Variants in CADPS2 observed in about 807,000 individuals in gnomAD.
The protein encoded by CADPS2 is calcium dependent secretion activator 2.
CADPS2 carries 93 observed loss-of-function variants against 172.5 expected under a neutral mutation model. That is an observed-to-expected ratio of 0.54 (90% CI 0.46 to 0.64). The LOEUF (loss-of-function observed/expected upper bound fraction) is 0.64, where lower values mean the gene tolerates loss of function less well. CADPS2 is among the 30% of genes least tolerant of loss of function. The probability of loss-of-function intolerance (pLI) is 0.00; values close to 1 mark genes in which losing one functional copy is unlikely to be tolerated. For missense variants in CADPS2, 1,420 were observed against 1,565.9 expected (o/e 0.91, Z 1.57); for synonymous variants, 546 against 555.2 (o/e 0.98, Z 0.23).
intron 6 of CADPS2, among the ~76,000 whole-genome samples, chr7:122,583,664 A>ATATT (rs2069172891): frequency 6.6e-6 from 1 of 151,092 alleles, no homozygotes; most frequent in Non-Finnish European, 1.5e-5. Context: ...TATGAAGGAG[A>ATATT]TATTGTACGT....
rs1805488424 is a variant in CADPS2, at chr7:122,828,138, C to A, written c.339+57861G>T. Among the ~76,000 whole-genome samples the A allele has an allele frequency of 1.3e-5, 2 of 151,882 alleles. 1 individual carries two copies. Among genetic ancestry groups the A allele is most frequent in the South Asian group, 4.2e-4 (2 of 4,792 alleles). On this transcript the variant is annotated intron_variant, in intron 1 of 29. Coordinates refer to ENST00000449022, the MANE Select transcript of CADPS2 (RefSeq NM_017954.11). ...CATCATGTCTCTGTGGTAGGTTTAC[C>A]CTGTCATCTTATGTTGCCTCTAATA...
At chr7:122,865,141 A>G (rs1269950367) in intron 1 of CADPS2, among the ~76,000 whole-genome samples, 1 of 151,888 alleles carries the variant, frequency 6.6e-6, no homozygotes, top group African/African-American at 2.4e-5. Context: ...TGAGTCTGGC[A>G]TCTCCTCTCT....
At chr7:122,453,928 G>T (rs1284585490) in intron 14 of CADPS2, among the ~76,000 whole-genome samples, 4 of 152,094 alleles carry the variant, frequency 2.6e-5, no homozygotes, top group Non-Finnish European at 4.4e-5. Flanking sequence ...CACTAAATTA[G>T]GTACAAATCT....
intron 1 of CADPS2, among the ~76,000 whole-genome samples, chr7:122,753,758 T>C (rs1206545986): frequency 6.6e-6 from 1 of 152,194 alleles, no homozygotes; most frequent in South Asian, 2.1e-4. Context: ...CTCAGTTGTA[T>C]ACATATAAAC....
chr7:122,557,851 G>T (rs577906620), intron 7 of CADPS2, among the ~76,000 whole-genome samples: 1 of 152,304 alleles, frequency 6.6e-6, no homozygotes, highest in African/African-American at 2.4e-5. Flanking sequence ...AGCTCCTCCT[G>T]CTTCTAAGTA....
At chr7:122,872,272 G>T (rs1249103309) in intron 1 of CADPS2, among the ~76,000 whole-genome samples, 1 of 152,088 alleles carries the variant, frequency 6.6e-6, no homozygotes, top group African/African-American at 2.4e-5. Context: ...TTCTTACAGT[G>T]TTGCACAATT....
intron 6 of CADPS2, among the ~76,000 whole-genome samples, chr7:122,611,548 C>A (rs1563851465): frequency 6.6e-6 from 1 of 151,950 alleles, no homozygotes; most frequent in Non-Finnish European, 1.5e-5. Context: ...AAAAGAAAGA[C>A]AATGAATAGA....
chr7:122,504,379 CAGG>C (rs71753783), intron 9 of CADPS2, among the ~76,000 whole-genome samples: 5,221 of 152,160 alleles, frequency 0.034, 289 homozygotes, highest in African/African-American at 0.12. Flanking sequence ...ATGTTGGGTA[CAGG>C]ACACAGGTGT....
intron 1 of CADPS2, among the ~76,000 whole-genome samples, chr7:122,871,148 G>C (rs1341743864): frequency 6.6e-6 from 1 of 151,432 alleles, no homozygotes; most frequent in Non-Finnish European, 1.5e-5. Context: ...GAAGACAGGG[G>C]ACAACGGAGG....
At chr7:122,788,670 A>G (rs1475515452) in intron 1 of CADPS2, among the ~76,000 whole-genome samples, 1 of 152,204 alleles carries the variant, frequency 6.6e-6, no homozygotes, top group African/African-American at 2.4e-5. Flanking sequence ...TCGTTGGACT[A>G]TAGCTTTGAA....
Position 122,393,550 on chromosome 7 carries a change from A to T in CADPS2, c.2779T>A (p.Leu927Met). The T allele has an allele frequency of 6.2e-7, 1 of 1,613,870 alleles. No homozygotes were observed. Among genetic ancestry groups the T allele is most frequent in the Non-Finnish European group, 8.5e-7 (1 of 1,179,834 alleles). Reference sequence around the variant, plus strand: ...ACCAAGGGTACAAAGATTTCTTGCAAGTGTTTGTGAAATTTTCCATTACAC... The same window carrying T: ...ACCAAGGGTACAAAGATTTCTTGCATGTGTTTGTGAAATTTTCCATTACAC... ...LLCNGKFHKHLQEIFVPLVVR... is the reference protein window; with the variant it reads ...LLCNGKFHKHMQEIFVPLVVR... Residue 927 changes from leucine to methionine, a missense_variant, in exon 21 of 30, where the codon TTG (leucine) becomes ATG (methionine). By Grantham distance (15) the Leu-to-Met change is conservative. Coordinates refer to ENST00000449022, the MANE Select transcript of CADPS2 (RefSeq NM_017954.11).
At chr7:122,683,103 T>C (rs1271703177) in intron 2 of CADPS2, among the ~76,000 whole-genome samples, 1 of 152,124 alleles carries the variant, frequency 6.6e-6, no homozygotes, top group African/African-American at 2.4e-5. Flanking sequence ...GGGTAGTGTA[T>C]GTGGATGATT....
At chr7:122,530,415 T>C (rs2061658545) in intron 8 of CADPS2, among the ~76,000 whole-genome samples, 2 of 151,976 alleles carry the variant, frequency 1.3e-5, no homozygotes, top group African/African-American at 4.8e-5. Flanking sequence ...GAGACTATGT[T>C]ACATTAGGAA....
chr7:122,785,560 G>A (rs868044977), intron 1 of CADPS2, among the ~76,000 whole-genome samples: 1 of 152,096 alleles, frequency 6.6e-6, no homozygotes, highest in Non-Finnish European at 1.5e-5. Flanking sequence ...GTGTAAAAAC[G>A]AGAAGCTATT....
At chr7:122,706,063 G>A (rs2087368335) in intron 2 of CADPS2, among the ~76,000 whole-genome samples, 3 of 83,222 alleles carry the variant, frequency 3.6e-5, no homozygotes, top group South Asian at 3.4e-4. Context: ...TATATTCAAG[G>A]AATATATATA....
chr7:122,821,862 C>T (rs1424523943), intron 1 of CADPS2, among the ~76,000 whole-genome samples: 1 of 152,126 alleles, frequency 6.6e-6, no homozygotes, highest in Non-Finnish European at 1.5e-5. Flanking sequence ...AGAATTCAGG[C>T]CTGTCCTCGG....
chr7:122,329,101 A>T (rs892012546), intron 28 of CADPS2, among the ~76,000 whole-genome samples: 3 of 152,198 alleles, frequency 2.0e-5, no homozygotes, highest in African/African-American at 7.2e-5. Flanking sequence ...AGGAGTTGCC[A>T]CTGACTATGG....
intron 1 of CADPS2, among the ~76,000 whole-genome samples, chr7:122,876,176 C>T (rs1024132586): frequency 1.3e-5 from 2 of 151,928 alleles, no homozygotes; most frequent in South Asian, 2.1e-4. Context: ...AAAAATTAGC[C>T]GGGTGTGGTG....
At chr7:122,369,307 T>A (rs1184834976) in intron 25 of CADPS2, among the ~76,000 whole-genome samples, 1 of 151,902 alleles carries the variant, frequency 6.6e-6, no homozygotes, top group African/African-American at 2.4e-5. Flanking sequence ...ATTTTTTGTA[T>A]TTTTTAGTAG....
Sources: allele counts gnomAD v4.1 joint callset (sites outside exome capture counted in the v4.1 genomes callset), GRCh38; gene constraint gnomAD v4.1.1; transcripts MANE v1.5; gene names NCBI Gene and HGNC (gene_info 2026-07-23, HGNC 2026-07-21).